AMY2B: variants seen among roughly 807,000 people sequenced by gnomAD.
The protein encoded by AMY2B is amylase alpha 2B.
A neutral mutation model predicts 59.3 loss-of-function variants in AMY2B; 63 were observed. That is an observed-to-expected ratio of 1.06 (90% CI 0.87 to 1.31). AMY2B has a LOEUF of 1.31. AMY2B is among the 50% of genes most tolerant of loss of function. The pLI is 0.00. For synonymous variants in AMY2B, 180 were observed against 198.1 expected (o/e 0.91, Z 0.77); for missense variants, 635 against 626.7 (o/e 1.01, Z -0.14).
Position 103,575,305 on chromosome 1 carries a change from G to T in AMY2B, c.961G>T (p.Gly321Trp), listed in dbSNP as rs1263496927. 7.4e-6 allele frequency: 12 copies of T among 1,613,508 alleles called. No individual in the cohort carries two copies. In the East Asian group the frequency reaches 2.7e-4, roughly 36 times the overall value. Reference protein sequence around the residue: ...VDNHDNQRGHGAGGASILTFW... With the variant: ...VDNHDNQRGHWAGGASILTFW... Reference sequence around the variant, plus strand: ...TAACCATGACAATCAACGAGGACATGGGGCTGGAGGAGCCTCTATTCTTAC... The same window carrying T: ...TAACCATGACAATCAACGAGGACATTGGGCTGGAGGAGCCTCTATTCTTAC... The change falls in exon 6 of 10, where the codon GGG becomes TGG. Residue 321 changes from glycine to tryptophan, a missense_variant. Transcript: ENST00000684275.
chr1:103,562,672 C>CT (rs373215753), intron 1 of AMY2B, among the ~76,000 whole-genome samples: 20,435 of 111,974 alleles, frequency 0.18, 1,994 homozygotes, highest in East Asian at 0.47. Flanking sequence ...GATAACTTGT[C>CT]TTTTTTTTTT....
At chr1:103,571,191 G>T (rs1478949357), upstream of AMY2B, 1 of 787,040 alleles carries the variant, frequency 1.3e-6, no homozygotes, top group Admixed American at 4.9e-5. Flanking sequence ...GCTGTTACTC[G>T]CCTTGAGTTG....
At chr1:103,575,638 ATAAT>A (rs1217499817) in intron 7 of AMY2B, 98 bp downstream of exon 7, 6 of 1,526,226 alleles carry the variant, frequency 3.9e-6, no homozygotes, top group Non-Finnish European at 4.4e-6. Flanking sequence ...TATTCAACAA[ATAAT>A]TGATTAGAAA....
chr1:103,572,929 T>A, intron 2 of AMY2B, 134 bp from the exon 3 acceptor site: 1 of 1,534,286 alleles, frequency 6.5e-7, no homozygotes, highest in Admixed American at 1.8e-5. Flanking sequence ...TGATTTTTGA[T>A]CTTGTAGGAA....
At chr1:103,571,485 T>A, upstream of AMY2B, 1 of 1,562,444 alleles carries the variant, frequency 6.4e-7, no homozygotes, top group Non-Finnish European at 8.7e-7. Flanking sequence ...CCTTTTCAGA[T>A]TATGAGTAAA....
At position 103,575,539 on chromosome 1, in the gene AMY2B, A is replaced by G. The variant is rs572909605; in HGVS notation, c.1100A>G (p.Asn367Ser). 24 of 1,613,616 alleles carry G rather than the reference A, an allele frequency of 1.5e-5. No homozygotes were observed. In the East Asian group the frequency reaches 5.4e-4, roughly 36 times the overall value. Residue 367 changes from asparagine to serine, a missense_variant and splice_region_variant, in exon 7 of 10, where the codon AAC (asparagine) becomes AGC (serine). Physicochemically the swap from Asn to Ser is conservative, Grantham distance 46. Coordinates refer to ENST00000684275, the MANE Select transcript of AMY2B (RefSeq NM_001387437.1). Reference sequence around the variant, plus strand: ...TGGCCAAGACAGTTTCAAAATGGAAACGTAAGTTTTGAAATTGTTCAAACT... The same window carrying G: ...TGGCCAAGACAGTTTCAAAATGGAAGCGTAAGTTTTGAAATTGTTCAAACT... The part of the protein sequence containing the change: ...YRWPRQFQNG[N>S]DVNDWVGPPN...
At position 103,573,367 on chromosome 1, in the gene AMY2B, G is replaced by A; in HGVS notation, c.513+107G>A. 1.9e-6 allele frequency: 3 copies of A among 1,561,074 alleles called. No homozygotes were observed. The South Asian group carries it at 3.6e-5, about 19-fold the overall frequency. ...TTAAATACGAATTTAGATCTCTTAG[G>A]GACACAGGTTAACAGGTTTGACTAC... On this transcript the variant is annotated intron_variant, in intron 3 of 9. Transcript: ENST00000684275.
At chr1:103,559,790 A>G (rs996603670) in intron 1 of AMY2B, among the ~76,000 whole-genome samples, 3 of 152,178 alleles carry the variant, frequency 2.0e-5, no homozygotes, top group African/African-American at 7.2e-5. Context: ...CAGAGCGATA[A>G]TATTTTTGGT....
intron 7 of AMY2B, 22 bp downstream of exon 7, chr1:103,575,562 A>T: frequency 6.2e-7 from 1 of 1,612,016 alleles, no homozygotes. Flanking sequence ...AATTGTTCAA[A>T]CTATCCTTTT....
At chr1:103,575,803 A>G in intron 7 of AMY2B, 1 of 421,040 alleles carries the variant, frequency 2.4e-6, no homozygotes, top group Non-Finnish European at 4.0e-6. Context: ...CTTAAAAATA[A>G]GAGCTAGGCA....
intron 3 of AMY2B, 130 bp downstream of exon 3, chr1:103,573,390 T>A: frequency 6.8e-7 from 1 of 1,476,154 alleles, no homozygotes; most frequent in East Asian, 2.3e-5. Context: ...CAGGTTTGAC[T>A]ACTTTAAGAA....
chr1:103,561,850 A>G (rs913084993), intron 1 of AMY2B: 8 of 152,104 alleles, frequency 5.3e-5, no homozygotes, highest in Non-Finnish European at 1.2e-4. Context: ...TGTGGTGATC[A>G]ACCTGTTGTA....
intron 3 of AMY2B, 146 bp downstream of exon 3, chr1:103,573,406 A>T (rs1652216466): frequency 2.1e-6 from 3 of 1,419,084 alleles, no homozygotes; most frequent in Non-Finnish European, 2.9e-6. Context: ...AAGAAACTCA[A>T]ATCCATATTT....
chr1:103,557,150 G>GCACACACACA (rs746677345), intron 1 of AMY2B, among the ~76,000 whole-genome samples: 1 of 148,204 alleles, frequency 6.7e-6, no homozygotes, highest in Non-Finnish European at 1.5e-5. Flanking sequence ...GTGCGCGCGC[G>GCACACACACA]CACACACACA....
At chr1:103,563,853 G>A (rs1427097963) in intron 1 of AMY2B, among the ~76,000 whole-genome samples, 4 of 152,072 alleles carry the variant, frequency 2.6e-5, no homozygotes, top group African/African-American at 7.2e-5. Context: ...AATACTGTGA[G>A]GGAAGGAAGG....
chr1:103,575,299 G>A lies in AMY2B; in HGVS notation c.955G>A (p.Gly319Arg), dbSNP rs140978983. 45,116 of 1,613,412 alleles carry A rather than the reference G, an allele frequency of 0.028. 784 individuals carry two copies. The highest frequency in any genetic ancestry group is 0.048 in the Middle Eastern group (293 of 6,052). Residue 319 changes from glycine to arginine, a missense_variant, in exon 6 of 10, where the codon GGA (glycine) becomes AGA (arginine). Transcript: ENST00000684275. ...TGTGGATAACCATGACAATCAACGA[G>A]GACATGGGGCTGGAGGAGCCTCTAT... ...VFVDNHDNQRGHGAGGASILT... is the reference protein window; with the variant it reads ...VFVDNHDNQRRHGAGGASILT...
chr1:103,570,654 G>A (rs566734643), upstream of AMY2B: 31 of 586,398 alleles, frequency 5.3e-5, no homozygotes, highest in Admixed American at 2.1e-4. Flanking sequence ...CCCCTCCATC[G>A]TCCACCGCAA....
upstream of AMY2B, chr1:103,571,502 G>T (rs1319694883): frequency 1.7e-5 from 27 of 1,572,648 alleles, no homozygotes; most frequent in South Asian, 2.0e-4. Context: ...TAAACAGTTT[G>T]CCCTCAAGTA....
intron 3 of AMY2B, among the ~76,000 whole-genome samples, 193 bp downstream of exon 3, chr1:103,573,453 A>T (rs758959161): frequency 6.6e-6 from 1 of 152,168 alleles, no homozygotes; most frequent in Non-Finnish European, 1.5e-5. Flanking sequence ...TTTAATCAAT[A>T]CACATTTGCC....
Sources: allele counts gnomAD v4.1 joint callset (sites outside exome capture counted in the v4.1 genomes callset), GRCh38; gene constraint gnomAD v4.1.1; transcripts MANE v1.5; gene names NCBI Gene and HGNC (gene_info 2026-07-23, HGNC 2026-07-21).